Variants in HDAC8 observed in about 807,000 individuals in gnomAD.
HDAC8 encodes the protein histone deacetylase 8, also known as histone deacetylase-like 1.
Under a neutral mutation model 32.2 loss-of-function variants are expected in HDAC8, and 1 was observed. The observed-to-expected ratio is 0.03, with a 90% CI of 0.01 to 0.15. The LOEUF (loss-of-function observed/expected upper bound fraction) is 0.15, where lower values mean the gene tolerates loss of function less well. HDAC8 is among the 10% of genes least tolerant of loss of function. The probability of loss-of-function intolerance (pLI) is 1.00; values close to 1 mark genes in which losing one functional copy is unlikely to be tolerated. For synonymous variants in HDAC8, 108 were observed against 113.9 expected (o/e 0.95, Z 0.33); for missense variants, 117 against 300.0 (o/e 0.39, Z 4.51).
At chrX:72,391,476 G>A (rs1040036116) in intron 9 of HDAC8, among the ~76,000 whole-genome samples, 1 of 112,310 alleles carries the variant, frequency 8.9e-6, no homozygotes, top group Non-Finnish European at 1.9e-5. Context: ...ATATGTGCAA[G>A]GCACTAACTA....
chrX:72,405,300 G>T lies in HDAC8; in HGVS notation c.1006-53462C>A, dbSNP rs781842088. Reference sequence around the variant, plus strand: ...CCAGCTCCATCCATGTCCCTGCAAAGGGCATGATCTCTTCTTTTTTATAGC... The same window carrying T: ...CCAGCTCCATCCATGTCCCTGCAAATGGCATGATCTCTTCTTTTTTATAGC... On this transcript the variant is annotated intron_variant, in intron 9 of 10. Coordinates refer to ENST00000373573, the MANE Select transcript of HDAC8 (RefSeq NM_018486.3). Among the ~76,000 whole-genome samples, 3 of 112,275 alleles carry T rather than the reference G, an allele frequency of 2.7e-5. No homozygotes were observed. The Admixed American group carries it at 2.8e-4, about 11-fold the overall frequency.
chrX:72,428,097 CCTT>C lies in HDAC8; in HGVS notation c.1005+33904_1005+33906del, dbSNP rs782152489. On this transcript the variant is annotated intron_variant, in intron 9 of 10. Transcript: ENST00000373573. ...TCTGGCCCCCCTTTAGATTATGAAT[CCTT>C]CTTTTTTTTTTGAGACGGAGTCTCG... Among the ~76,000 whole-genome samples, 14 of 112,084 alleles carry C rather than the reference CCTT, an allele frequency of 1.2e-4. No homozygotes were observed. In the East Asian group the frequency reaches 2.8e-3, roughly 23 times the overall value.
chrX:72,467,772 T>C lies in HDAC8; in HGVS notation c.738-3041A>G. The C allele has an allele frequency of 1.4e-5, 6 of 436,802 alleles. No individual in the cohort carries two copies. The South Asian group carries it at 2.8e-4, about 20-fold the overall frequency. 36.0% of individuals were successfully genotyped at this position (436,802 alleles called of 1,213,427 possible). On this transcript the variant is annotated intron_variant, in intron 7 of 10. Transcript: ENST00000373573. ...AGGTTGATGAGGGCTTTTGCAACCA[T>C]CCAGGCCAGTGACAGCAAGGATAAG...
At chrX:72,567,681 G>C (rs999606036) in intron 4 of HDAC8, 2 of 1,146,288 alleles carry the variant, frequency 1.7e-6, no homozygotes, top group African/African-American at 3.6e-5. Flanking sequence ...TAGGTGTAGA[G>C]CCCAGGTGTC....
chrX:72,396,468 T>A lies in HDAC8; in HGVS notation c.1006-44630A>T, dbSNP rs200232947. 9.8e-5 allele frequency among the ~76,000 whole-genome samples: 11 copies of A among 112,353 alleles called. No individual in the cohort carries two copies. The East Asian group carries it at 2.2e-3, about 23-fold the overall frequency. On this transcript the variant is annotated intron_variant, in intron 9 of 10. Transcript: ENST00000373573. ...ATCCTCTTAAAAGAGTTTTTAAAAA[T>A]TTTTTTCTTTCAAAAAAAGTTAATT...
intron 9 of HDAC8, among the ~76,000 whole-genome samples, chrX:72,389,603 G>T (rs1356972756): frequency 1.8e-5 from 2 of 112,170 alleles, no homozygotes; most frequent in Non-Finnish European, 3.8e-5. Flanking sequence ...GCTTCTGAGA[G>T]ACTGGGGAAA....
intron 10 of HDAC8, among the ~76,000 whole-genome samples, chrX:72,337,204 G>A (rs782454399): frequency 5.3e-4 from 60 of 112,317 alleles, no homozygotes; most frequent in Non-Finnish European, 1.1e-3. Flanking sequence ...TTTTTAATGT[G>A]GAGCAGTGCG....
intron 10 of HDAC8, among the ~76,000 whole-genome samples, chrX:72,351,116 T>C (rs946783534): frequency 2.7e-5 from 3 of 110,983 alleles, no homozygotes; most frequent in African/African-American, 9.8e-5. Context: ...TTTTCCTCTT[T>C]TTTTTTTTTG....
chrX:72,415,651 G>A (rs1034804577), intron 9 of HDAC8, among the ~76,000 whole-genome samples: 1 of 111,858 alleles, frequency 8.9e-6, no homozygotes, highest in Non-Finnish European at 1.9e-5. Flanking sequence ...TGTTTTGTGA[G>A]ATTTACACAT....
intron 9 of HDAC8, among the ~76,000 whole-genome samples, chrX:72,459,633 C>T (rs2047814774): frequency 9.0e-6 from 1 of 111,471 alleles, no homozygotes; most frequent in South Asian, 3.8e-4. Flanking sequence ...AGTCACTCTT[C>T]CTACTGTCTT....
chrX:72,432,324 G>A (rs1324500718), intron 9 of HDAC8, among the ~76,000 whole-genome samples: 1 of 110,363 alleles, frequency 9.1e-6, no homozygotes, highest in Non-Finnish European at 1.9e-5. Flanking sequence ...CCTGTTAAAA[G>A]CCTTCAGTGG....
chrX:72,461,077 T>A (rs2047854552), intron 9 of HDAC8, among the ~76,000 whole-genome samples: 1 of 112,281 alleles, frequency 8.9e-6, no homozygotes, highest in African/African-American at 3.2e-5. Flanking sequence ...TAATAGCAAC[T>A]TTAAAAAGCA....
At chrX:72,480,688 T>C (rs2048468897) in intron 7 of HDAC8, among the ~76,000 whole-genome samples, 1 of 111,859 alleles carries the variant, frequency 8.9e-6, no homozygotes, top group Middle Eastern at 4.2e-3. Flanking sequence ...ATAAAGAAAA[T>C]GTGGCATATA....
At chrX:72,445,375 G>A (rs1317110680) in intron 9 of HDAC8, among the ~76,000 whole-genome samples, 10 of 111,332 alleles carry the variant, frequency 9.0e-5, no homozygotes, top group Admixed American at 1.9e-4. Context: ...TAGAAATAAT[G>A]CCGCATATCT....
chrX:72,352,184 C>A (rs781954230), intron 9 of HDAC8, among the ~76,000 whole-genome samples: 6 of 111,542 alleles, frequency 5.4e-5, no homozygotes, highest in Non-Finnish European at 1.1e-4. Context: ...TTTCTCTTTC[C>A]TTAGGATCTT....
chrX:72,454,731 C>T (rs1053808047), intron 9 of HDAC8, among the ~76,000 whole-genome samples: 1 of 112,308 alleles, frequency 8.9e-6, no homozygotes, highest in Non-Finnish European at 1.9e-5. Context: ...ATTAAAAAGT[C>T]ATTGCAGCAT....
intron 9 of HDAC8, among the ~76,000 whole-genome samples, chrX:72,447,475 A>T (rs2047441745): frequency 8.9e-6 from 1 of 112,144 alleles, no homozygotes; most frequent in Non-Finnish European, 1.9e-5. Flanking sequence ...ACCGACAGCC[A>T]ATATCATATT....
chrX:72,526,227 C>T (rs782141433), intron 4 of HDAC8, among the ~76,000 whole-genome samples: 1 of 111,021 alleles, frequency 9.0e-6, no homozygotes, highest in Non-Finnish European at 1.9e-5. Flanking sequence ...TCTCCCTGCT[C>T]CTGCCCCAAC....
chrX:72,545,626 G>A (rs2050836470), intron 4 of HDAC8, among the ~76,000 whole-genome samples: 1 of 111,822 alleles, frequency 8.9e-6, no homozygotes, highest in African/African-American at 3.3e-5. Context: ...GGATGCCATA[G>A]GGACAAAGCA....
Sources: gnomAD v4.1 joint callset for allele counts (sites outside exome capture counted in the v4.1 genomes callset) on GRCh38, gnomAD v4.1.1 for gene constraint, MANE v1.5 for transcripts, NCBI Gene and HGNC (gene_info 2026-07-23, HGNC 2026-07-21) for gene names.